NHSL2: variants seen among roughly 807,000 people sequenced by gnomAD.
The protein encoded by NHSL2 is NHS like 2.
A neutral mutation model predicts 53.4 loss-of-function variants in NHSL2; 27 were observed. The ratio of observed to expected loss-of-function variants is 0.51; its 90% confidence interval spans 0.37 to 0.70. The LOEUF is 0.70. Ranked by LOEUF, NHSL2 falls within the 30% of genes least tolerant of loss-of-function variation. The pLI is 0.00. For missense variants in NHSL2, 892 were observed against 980.1 expected, an observed-to-expected ratio of 0.91 and a Z score of 1.20; for synonymous variants, 408 against 404.1, an observed-to-expected ratio of 1.01 and a Z score of -0.12.
chrX:72,084,370 G>A (rs1051524294), intron 1 of NHSL2, among the ~76,000 whole-genome samples: 6 of 112,292 alleles, frequency 5.3e-5, no homozygotes, highest in African/African-American at 1.9e-4. Context: ...CATGCGGGAA[G>A]TTTATTGGGG....
At chrX:72,003,953 C>G (rs2042082688) in intron 1 of NHSL2, among the ~76,000 whole-genome samples, 1 of 111,899 alleles carries the variant, frequency 8.9e-6, no homozygotes, top group Admixed American at 9.4e-5. Context: ...GGCATTAGTT[C>G]CACTTCACAC....
intron 1 of NHSL2, among the ~76,000 whole-genome samples, chrX:71,956,891 A>G (rs1172527210): frequency 1.8e-5 from 2 of 111,212 alleles, no homozygotes; most frequent in Non-Finnish European, 3.8e-5. Flanking sequence ...AGATAGTTCT[A>G]CTTTCCTCCT....
At chrX:72,127,715 A>C (rs2042241455) in intron 1 of NHSL2, 1 of 112,873 alleles carries the variant, frequency 8.9e-6, no homozygotes, top group African/African-American at 3.2e-5. Flanking sequence ...AATCAGCTGA[A>C]AAACAGACAA....
At chrX:72,069,635 G>A (rs1309881507) in intron 1 of NHSL2, 3 of 911,004 alleles carry the variant, frequency 3.3e-6, no homozygotes, top group Non-Finnish European at 4.1e-6. Context: ...GGAGAAAGAG[G>A]AGGAGGAGGA....
At chrX:71,954,552 G>C (rs1307713217) in intron 1 of NHSL2, among the ~76,000 whole-genome samples, 2 of 112,113 alleles carry the variant, frequency 1.8e-5, no homozygotes, top group African/African-American at 6.5e-5. Context: ...ACTGGCCAGA[G>C]CATCTCTGGA....
rs758654651 is a variant in NHSL2 at position 71,929,423 on chromosome X, G to T, written c.280+18056G>T. Among the ~76,000 whole-genome samples the T allele has an allele frequency of 1.6e-4, 18 of 112,498 alleles. No homozygotes were observed. In the South Asian group the frequency reaches 5.2e-3, roughly 32 times the overall value. On this transcript the variant is annotated intron_variant, in intron 1 of 7. Transcript: ENST00000633930. ...CACAGGTATTGCTAACACTTCTGTG[G>T]TTTGTTGCCTACATTCATCATTTCA...
At position 72,139,202 on chromosome X, in the gene NHSL2, A is replaced by G; in HGVS notation, c.1654A>G (p.Arg552Gly). 8.5e-7 allele frequency: 1 copy of G among 1,175,293 alleles called. No individual in the cohort carries two copies. Among genetic ancestry groups the G allele is most frequent in the Non-Finnish European group, 1.1e-6 (1 of 876,857 alleles). The change falls in exon 6 of 8, where the codon AGA (arginine) becomes GGA (glycine). Residue 552 changes from arginine (R) to glycine (G), a missense_variant. Transcript: ENST00000633930. ...SLSAQQEAQH[R>G]RQRSKSISLR... ...TAGTGCCCAGCAAGAGGCCCAGCAC[A>G]GAAGGCAGAGGTCCAAGAGTATCTC... is the stretch of plus-strand genomic sequence containing the variant.
chrX:72,047,393 T>C (rs2042311342), intron 1 of NHSL2, among the ~76,000 whole-genome samples: 1 of 112,601 alleles, frequency 8.9e-6, no homozygotes, highest in African/African-American at 3.2e-5. Flanking sequence ...CATTGGAGGC[T>C]GACTTACTAT....
At position 72,138,981 on chromosome X, in the gene NHSL2, C is replaced by A. The variant is rs746716833; in HGVS notation, c.1433C>A (p.Thr478Asn). The change falls in exon 6 of 8, where the codon ACC becomes AAC. Residue 478 changes from threonine (T) to asparagine (N), a missense_variant. Coordinates refer to ENST00000633930, the MANE Select transcript of NHSL2 (RefSeq NM_001013627.3). ...AGACCCTCCAAGATTGGCCTTCTGA[C>A]CAGTGGGACCTCGAGGCTGGAGACA... Reference protein sequence around the residue: ...PERPSKIGLLTSGTSRLETGP... With the variant: ...PERPSKIGLLNSGTSRLETGP... 8.4e-7 allele frequency: 1 copy of A among 1,194,114 alleles called. No individual in the cohort carries two copies. The highest frequency in any genetic ancestry group is 3.0e-5 in the East Asian group (1 of 32,950).
intron 1 of NHSL2, among the ~76,000 whole-genome samples, chrX:72,015,947 G>A (rs1362756630): frequency 2.7e-5 from 3 of 111,320 alleles, no homozygotes; most frequent in African/African-American, 9.8e-5. Context: ...TAACTTTATT[G>A]ATGGTGTCTT....
chrX:72,127,334 G>A (rs941821224), intron 1 of NHSL2: 3 of 89,490 alleles, frequency 3.4e-5, no homozygotes, highest in African/African-American at 1.4e-4. Flanking sequence ...TCCTCTTACA[G>A]CTCTTATGGC....
chrX:71,925,322 A>G (rs767868734), intron 1 of NHSL2, among the ~76,000 whole-genome samples: 1 of 110,969 alleles, frequency 9.0e-6, no homozygotes, highest in African/African-American at 3.3e-5. Context: ...GTTGTATTTT[A>G]TTCCTGTCTG....
chrX:72,093,255 G>A (rs1200033774), intron 1 of NHSL2, among the ~76,000 whole-genome samples: 10 of 112,457 alleles, frequency 8.9e-5, no homozygotes, highest in Non-Finnish European at 1.7e-4. Flanking sequence ...TGCTAATATT[G>A]CTTTCAAATA....
At position 71,911,240 on chromosome X, in the gene NHSL2, C is replaced by T. The variant is rs1240290854; in HGVS notation, c.153C>T (p.Leu51=). ...ADLCGHSLAL[L]EDLEGHLLAL... ...TCTGTGGCCACTCGTTGGCTCTGCT[C>T]GAGGACCTCGAGGGGCACCTGCTGG... Residue 51 remains leucine (L), a synonymous_variant, in exon 1 of 8, where the codon CTC becomes CTT. Coordinates refer to ENST00000633930, the MANE Select transcript of NHSL2 (RefSeq NM_001013627.3). The T allele has an allele frequency of 1.7e-6, 2 of 1,148,258 alleles. No individual in the cohort carries two copies. Among genetic ancestry groups the T allele is most frequent in the Non-Finnish European group, 1.2e-6 (1 of 868,995 alleles). 94.6% of individuals were successfully genotyped at this position (1,148,258 alleles called of 1,213,427 possible).
At chrX:72,066,755 T>C (rs2042432446) in intron 1 of NHSL2, among the ~76,000 whole-genome samples, 1 of 111,949 alleles carries the variant, frequency 8.9e-6, no homozygotes, top group South Asian at 3.7e-4. Context: ...TTAGCCTGTT[T>C]AAGTATCTGT....
Position 72,087,411 on chromosome X carries a change from G to A in NHSL2, c.281-44668G>A, listed in dbSNP as rs915937063. Among the ~76,000 whole-genome samples the A allele has an allele frequency of 5.3e-5, 6 of 112,464 alleles. No homozygotes were observed. In the Admixed American group the frequency reaches 5.6e-4, roughly 11 times the overall value. ...TTACAGTGTGTCTGTTTGGGGTGATGAAACATTTTGGAAATCCATAGTGGT... is the reference window on the plus strand; with the variant it reads ...TTACAGTGTGTCTGTTTGGGGTGATAAAACATTTTGGAAATCCATAGTGGT... On this transcript the variant is annotated intron_variant, in intron 1 of 7. Coordinates refer to ENST00000633930, the MANE Select transcript of NHSL2 (RefSeq NM_001013627.3).
At chrX:72,067,967 G>A (rs964178377) in intron 1 of NHSL2, among the ~76,000 whole-genome samples, 7 of 112,185 alleles carry the variant, frequency 6.2e-5, no homozygotes, top group Non-Finnish European at 9.4e-5. Flanking sequence ...TTAACAGTGT[G>A]TCCTTCCCCT....
intron 1 of NHSL2, among the ~76,000 whole-genome samples, chrX:71,937,530 A>G (rs894257439): frequency 8.9e-6 from 1 of 112,331 alleles, no homozygotes; most frequent in Admixed American, 9.4e-5. Flanking sequence ...TGTTAATGTA[A>G]TAATATTAAT....
In NHSL2 at chrX:72,131,347, G is replaced by C. The variant is rs760891959; in HGVS notation, c.281-732G>C. ...GAGCGCGAACTCCAAGTTCTCCTCC[G>C]CAAGGACGGGCACTATGGGTACTGG... On this transcript the variant is annotated intron_variant, in intron 1 of 7. Transcript: ENST00000633930. 6 of 1,205,504 alleles carry C rather than the reference G, an allele frequency of 5.0e-6. No individual in the cohort carries two copies. In the South Asian group the frequency reaches 5.4e-5, roughly 11 times the overall value.
Sources: gnomAD v4.1 joint callset for allele counts (sites outside exome capture counted in the v4.1 genomes callset) on GRCh38, gnomAD v4.1.1 for gene constraint, MANE v1.5 for transcripts, NCBI Gene and HGNC (gene_info 2026-07-23, HGNC 2026-07-21) for gene names.